The following TUSC3 variants were observed in gnomAD, a reference collection of about 807,000 sequenced individuals.
TUSC3 encodes tumor suppressor candidate 3, also known as dolichyl-diphosphooligosaccharide--protein glycosyltransferase subunit TUSC3.
Under a neutral mutation model 44.8 loss-of-function variants are expected in TUSC3, and 45 were observed. The ratio of observed to expected loss-of-function variants is 1.00; its 90% CI spans 0.79 to 1.29. The LOEUF is 1.29. TUSC3 is among the 50% of genes most tolerant of loss of function. The pLI is 0.00. For synonymous variants in TUSC3, 212 were observed against 152.9 expected (o/e 1.39, Z -2.85); for missense variants, 519 against 437.9 (o/e 1.19, Z -1.65).
intron 1 of TUSC3, among the ~76,000 whole-genome samples, 172 bp from the exon 2 acceptor site, chr8:15,622,908 A>G (rs919074565): frequency 6.6e-6 from 1 of 152,026 alleles, no homozygotes; most frequent in African/African-American, 2.4e-5. Context: ...CCAACATTAT[A>G]AAAATATATG....
At chr8:15,617,302 G>A (rs1421883260) in intron 1 of TUSC3, among the ~76,000 whole-genome samples, 2 of 151,754 alleles carry the variant, frequency 1.3e-5, no homozygotes, top group Non-Finnish European at 2.9e-5. Flanking sequence ...ACCACGCCTG[G>A]CTTATTTTTG....
the TUSC3 span, chr8:15,807,187 G>C: frequency 1.3e-6 from 1 of 767,536 alleles, no homozygotes; most frequent in Non-Finnish European, 2.3e-6. Context: ...ATTTCAATAC[G>C]TCAACCTTGC....
chr8:15,616,350 G>C (rs1460457083), intron 1 of TUSC3, among the ~76,000 whole-genome samples: 4 of 152,172 alleles, frequency 2.6e-5, no homozygotes, highest in Non-Finnish European at 5.9e-5. Flanking sequence ...GGCCATGGCG[G>C]GTGGATCACC....
At chr8:15,529,354 T>C (rs1470239534) in intron 2 of TUSC3, among the ~76,000 whole-genome samples, 2 of 152,154 alleles carry the variant, frequency 1.3e-5, no homozygotes, top group African/African-American at 4.8e-5. Context: ...TATTAAATTA[T>C]ATGAAAAAAG....
chr8:15,641,241 G>T (rs1420725637), intron 2 of TUSC3, among the ~76,000 whole-genome samples: 1 of 151,780 alleles, frequency 6.6e-6, no homozygotes, highest in Admixed American at 6.6e-5. Flanking sequence ...CTCGCCTGTA[G>T]TCCCACCTAC....
chr8:15,582,253 A>G (rs1385190841), intron 1 of TUSC3, among the ~76,000 whole-genome samples: 3 of 152,196 alleles, frequency 2.0e-5, no homozygotes, highest in Admixed American at 6.5e-5. Flanking sequence ...ATGGAAATGC[A>G]GAAATCACCC....
At chr8:15,499,118 T>A (rs1800922370) in intron 2 of TUSC3, among the ~76,000 whole-genome samples, 1 of 152,170 alleles carries the variant, frequency 6.6e-6, no homozygotes, top group East Asian at 1.9e-4. Flanking sequence ...ATGGTTACTA[T>A]CATCCTGATG....
At chr8:15,478,306 T>G (rs1800609510) in intron 1 of TUSC3, among the ~76,000 whole-genome samples, 2 of 152,114 alleles carry the variant, frequency 1.3e-5, no homozygotes, top group Admixed American at 1.3e-4. Flanking sequence ...GGGATACATG[T>G]ACAGGATGTG....
chr8:15,680,288 G>T lies in TUSC3; in HGVS notation c.798+6452G>T, dbSNP rs572204589. 9.2e-5 allele frequency among the ~76,000 whole-genome samples: 14 copies of T among 152,036 alleles called. No homozygotes were observed. The East Asian group carries it at 2.7e-3, about 29-fold the overall frequency. ...GCAGTGTTTTGTAGTTGTCCTTATA[G>T]AGATCTTTCACCTCTTTGGTTACAT... On this transcript the variant is annotated intron_variant, in intron 6 of 10. Transcript: ENST00000503731.
In TUSC3 at chr8:15,753,996, G is replaced by A. The variant is rs983103981; in HGVS notation, c.1029-3795G>A. Among the ~76,000 whole-genome samples, 5 of 151,996 alleles carry A rather than the reference G, an allele frequency of 3.3e-5. No homozygotes were observed. The South Asian group carries it at 8.3e-4, about 25-fold the overall frequency. ...AAGAAGAGAAAGACCTTTTCCCATCGAATTATCCTGTGGTGAACATAGCAC... is the reference window on the plus strand; with the variant it reads ...AAGAAGAGAAAGACCTTTTCCCATCAAATTATCCTGTGGTGAACATAGCAC... On this transcript the variant is annotated intron_variant, in intron 9 of 10. Transcript: ENST00000503731.
chr8:15,813,662 T>C, the TUSC3 span, among the ~76,000 whole-genome samples: 19 of 152,320 alleles, frequency 1.2e-4, no homozygotes, highest in South Asian at 2.1e-3. Flanking sequence ...TAAAATATAA[T>C]GTGGGGAAAT....
the TUSC3 span, among the ~76,000 whole-genome samples, chr8:15,848,557 G>A: frequency 2.0e-5 from 3 of 151,428 alleles, no homozygotes; most frequent in South Asian, 6.3e-4. Context: ...GTTCCCTGCT[G>A]CCTGTCAGTA....
intron 1 of TUSC3, among the ~76,000 whole-genome samples, chr8:15,580,798 G>A (rs1317446198): frequency 7.2e-6 from 1 of 139,350 alleles, no homozygotes; most frequent in African/African-American, 2.8e-5. Context: ...TATGTGTCTT[G>A]GAGTTGCTCT....
chr8:15,441,289 C>T (rs1031176481), intron 1 of TUSC3, among the ~76,000 whole-genome samples: 9 of 152,192 alleles, frequency 5.9e-5, no homozygotes, highest in East Asian at 1.9e-4. Flanking sequence ...TGGCTGTAAT[C>T]CCAGCTACTC....
At chr8:15,514,559 C>A (rs1368412243) in intron 2 of TUSC3, among the ~76,000 whole-genome samples, 12 of 152,166 alleles carry the variant, frequency 7.9e-5, no homozygotes, top group Admixed American at 7.9e-4. Flanking sequence ...TTCTTCACAG[C>A]CCAGAGTTTC....
intron 1 of TUSC3, chr8:15,417,397 T>C (rs1799673737): frequency 6.6e-6 from 1 of 152,254 alleles, no homozygotes; most frequent in African/African-American, 2.4e-5. Context: ...AGAGAATATC[T>C]AGGCAAAGAT....
chr8:15,608,383 G>C (rs1393054785), intron 1 of TUSC3, among the ~76,000 whole-genome samples: 1 of 152,028 alleles, frequency 6.6e-6, no homozygotes, highest in Non-Finnish European at 1.5e-5. Flanking sequence ...TTGTCTTATA[G>C]GGATAAATTG....
chr8:15,837,505 G>T, the TUSC3 span, among the ~76,000 whole-genome samples: 3 of 151,866 alleles, frequency 2.0e-5, no homozygotes, highest in Non-Finnish European at 2.9e-5. Flanking sequence ...TCACTTTCCT[G>T]ATTTTCGTCT....
chr8:15,500,414 T>C lies in TUSC3; in HGVS notation n.189+16931T>C, dbSNP rs553352637. Among the ~76,000 whole-genome samples the C allele has an allele frequency of 3.3e-5, 5 of 152,308 alleles. No individual in the cohort carries two copies. The South Asian group carries it at 6.2e-4, about 19-fold the overall frequency. Reference sequence around the variant, plus strand: ...TTTTCCCTCTATAGTCATCACATTTTTAAAAAATCACCATTGGGATTTTTT... The same window carrying C: ...TTTTCCCTCTATAGTCATCACATTTCTAAAAAATCACCATTGGGATTTTTT... On this transcript the variant is annotated intron_variant and non_coding_transcript_variant, in intron 2 of 5. Transcript: ENST00000503191.
Sources: allele counts gnomAD v4.1 joint callset (sites outside exome capture counted in the v4.1 genomes callset), GRCh38; gene constraint gnomAD v4.1.1; transcripts MANE v1.5; gene names NCBI Gene and HGNC (gene_info 2026-07-23, HGNC 2026-07-21).